Variants in ATF7IP observed in about 807,000 individuals in gnomAD.
The protein encoded by ATF7IP is activating transcription factor 7 interacting protein, also known as activating transcription factor 7-interacting protein 1.
Under a neutral mutation model 106.4 loss-of-function variants are expected in ATF7IP, and 23 were observed. The ratio of observed to expected loss-of-function variants is 0.22; its 90% CI spans 0.16 to 0.31. The LOEUF (loss-of-function observed/expected upper bound fraction) is 0.31. Among genes scored for constraint, ATF7IP ranks in the 10% least tolerant of loss-of-function variants. ATF7IP has a pLI of 1.00. For synonymous variants in ATF7IP, 542 were observed against 539.0 expected (o/e 1.01, Z -0.08); for missense variants, 1,334 against 1,524.3 (o/e 0.88, Z 2.08).
In ATF7IP at chr12:14,498,186, GATGTGTGTA is replaced by G. The variant is rs1945068802; in HGVS notation, c.*114_*122del. 9.8e-7 allele frequency: 1 copy of G among 1,017,908 alleles called. No individual in the cohort carries two copies. Among genetic ancestry groups the G allele is most frequent in the Non-Finnish European group, 1.4e-6 (1 of 693,996 alleles). The allele number at this position is 1,017,908 out of a possible 1,614,324, so 63.1% of individuals were successfully genotyped here. A position where few individuals can be genotyped will look rare whatever the true frequency, so the allele number is the denominator to read the frequency against. ...CACCTTGTGCAAGATTTCTTGGACA[GATGTGTGTA>G]TACACTACATTTGTTTATAACCAGA... On this transcript the variant is annotated 3_prime_UTR_variant, in exon 15 of 15. Transcript: ENST00000261168.
chr12:14,489,888 A>G (rs1376462784), intron 13 of ATF7IP, among the ~76,000 whole-genome samples: 1 of 152,240 alleles, frequency 6.6e-6, no homozygotes. Flanking sequence ...CATTGTGTGC[A>G]GCATAGGCAA....
chr12:14,425,019 A>C lies in ATF7IP; in HGVS notation c.1104A>C (p.Glu368Asp), dbSNP rs896408916. Reference protein sequence around the residue: ...TICSDRPPENEKKVEEDIITE... With the variant: ...TICSDRPPENDKKVEEDIITE... The stretch of plus-strand genomic sequence containing the variant: ...GTTCAGATCGACCTCCTGAAAATGA[A>C]AAGAAGGTAGAGGAAGATATTATCA... Residue 368 changes from glutamate to aspartate, a missense_variant, in exon 2 of 15, where the codon GAA becomes GAC. Around this residue, in one of 10 missense-constraint regions of ATF7IP, gnomAD observed 438 missense variants for 405.3 expected, o/e 1.08. Transcript: ENST00000261168. 12 of 1,611,646 alleles carry C rather than the reference A, an allele frequency of 7.4e-6. No individual in the cohort carries two copies. Among genetic ancestry groups the C allele is most frequent in the Admixed American group, 1.7e-5 (1 of 59,588 alleles).
intron 6 of ATF7IP, among the ~76,000 whole-genome samples, chr12:14,448,579 T>C (rs1248869924): frequency 2.6e-5 from 4 of 152,208 alleles, no homozygotes; most frequent in Non-Finnish European, 5.9e-5. Flanking sequence ...GGTCCATTAT[T>C]ATCTTTGGGC....
At chr12:14,469,123 C>T (rs1026277112) in intron 10 of ATF7IP, among the ~76,000 whole-genome samples, 1 of 152,094 alleles carries the variant, frequency 6.6e-6, no homozygotes, top group African/African-American at 2.4e-5. Context: ...ATAATCCCAG[C>T]ACTTTGGGAG....
At chr12:14,484,561 C>T (rs1386376539) in intron 13 of ATF7IP, among the ~76,000 whole-genome samples, 1 of 152,154 alleles carries the variant, frequency 6.6e-6, no homozygotes, top group Non-Finnish European at 1.5e-5. Flanking sequence ...CAGGGATGTC[C>T]TAGAAAGGGG....
intron 5 of ATF7IP, among the ~76,000 whole-genome samples, chr12:14,443,609 T>C (rs186852179): frequency 4.6e-5 from 7 of 152,336 alleles, no homozygotes; most frequent in African/African-American, 1.4e-4. Context: ...AGAAACCTGT[T>C]GTAAATATCA....
At chr12:14,473,132 G>T (rs1348929299) in intron 10 of ATF7IP, among the ~76,000 whole-genome samples, 1 of 151,940 alleles carries the variant, frequency 6.6e-6, no homozygotes, top group Admixed American at 6.6e-5. Context: ...TTGTGTTTAG[G>T]TCTGCTATTT....
intron 3 of ATF7IP, among the ~76,000 whole-genome samples, chr12:14,435,133 GGGAA>G (rs34308294): frequency 2.9e-3 from 440 of 151,038 alleles, no homozygotes; most frequent in Non-Finnish European, 4.7e-3. Context: ...GGAAGGAAGA[GGGAA>G]GGAAGGAAGG....
intron 1 of ATF7IP, among the ~76,000 whole-genome samples, chr12:14,421,651 A>G (rs541712753): frequency 6.6e-6 from 1 of 152,274 alleles, no homozygotes; most frequent in South Asian, 2.1e-4. Flanking sequence ...TAAAGGCCCT[A>G]TCCGAATAAG....
intron 1 of ATF7IP, among the ~76,000 whole-genome samples, chr12:14,422,393 C>T (rs911170365): frequency 2.1e-4 from 32 of 151,214 alleles, no homozygotes; most frequent in African/African-American, 6.8e-4. Flanking sequence ...TTTGTAGTGG[C>T]ATTACTGAGA....
At position 14,406,672 on chromosome 12, in the gene ATF7IP, T is replaced by G. The variant is rs1157434609; in HGVS notation, c.-7-17237T>G. On this transcript the variant is annotated intron_variant, in intron 1 of 14. Transcript: ENST00000261168. ...AAATAACAGTATTTATGGGTTTTTT[T>G]TTTTTTTTTTGAGATGGAGTCTCGC... Among the ~76,000 whole-genome samples, 6 of 150,340 alleles carry G rather than the reference T, an allele frequency of 4.0e-5. No individual in the cohort carries two copies. The East Asian group carries it at 7.8e-4, about 19-fold the overall frequency.
chr12:14,487,746 TAGC>T (rs1944671337), intron 13 of ATF7IP, among the ~76,000 whole-genome samples: 2 of 152,314 alleles, frequency 1.3e-5, no homozygotes, highest in African/African-American at 4.8e-5. Flanking sequence ...AAGGCAGTCT[TAGC>T]AGATTTCAGG....
Position 14,379,658 on chromosome 12 carries a change from A to G in ATF7IP, c.-8+13831A>G, listed in dbSNP as rs746912048. Among the ~76,000 whole-genome samples the G allele has an allele frequency of 5.9e-5, 9 of 152,300 alleles. No homozygotes were observed. The East Asian group carries it at 7.7e-4, about 13-fold the overall frequency. On this transcript the variant is annotated intron_variant, in intron 1 of 14. Transcript: ENST00000261168. Reference sequence around the variant, plus strand: ...ATGCATGTTTGAAAAAGGTCATTCTATGTTTTCATGCTTGATTGATAGTTT... The same window carrying G: ...ATGCATGTTTGAAAAAGGTCATTCTGTGTTTTCATGCTTGATTGATAGTTT...
chr12:14,425,051 T>C lies in ATF7IP; in HGVS notation c.1136T>C (p.Leu379Pro), dbSNP rs1376903808. 1.2e-6 allele frequency: 2 copies of C among 1,606,756 alleles called. No homozygotes were observed. The highest frequency in any genetic ancestry group is 3.4e-5 in the Admixed American group (2 of 58,262). The part of the protein sequence containing the change: ...KKVEEDIITE[L>P]ALGEDAISSS... ...GTAGAGGAAGATATTATCACAGAGC[T>C]TGCTCTTGGAGAAGATGCTATATCT... Residue 379 changes from leucine to proline, a missense_variant, in exon 2 of 15, where the codon CTT (leucine) becomes CCT (proline). Leu to Pro is a moderately conservative substitution (Grantham distance 98). Transcript: ENST00000261168.
rs765212949 is a variant in ATF7IP, at chr12:14,460,575, C to G, written c.2239C>G (p.Leu747Val). The G allele has an allele frequency of 1.2e-6, 2 of 1,614,196 alleles. No homozygotes were observed. The highest frequency in any genetic ancestry group is 8.5e-7 in the Non-Finnish European group (1 of 1,180,018). ...KLQTPVTSGS[L>V]TATSVLPAPN... ...GCAGACTCCAGTGACTTCGGGTTCC[C>G]TCACAGCAACGTCAGTTCTTCCTGC... The change falls in exon 9 of 15, where the codon CTC becomes GTC. Residue 747 changes from leucine to valine, a missense_variant. This residue lies in a region of ATF7IP where 171 missense variants were observed against 172.6 expected (regional missense o/e 0.99). Coordinates refer to ENST00000261168, the MANE Select transcript of ATF7IP (RefSeq NM_018179.5).
chr12:14,441,185 G>T (rs1306366230), intron 5 of ATF7IP, among the ~76,000 whole-genome samples: 1 of 152,142 alleles, frequency 6.6e-6, no homozygotes, highest in Non-Finnish European at 1.5e-5. Context: ...ACCATTTTCT[G>T]TTCCCACCAG....
intron 1 of ATF7IP, among the ~76,000 whole-genome samples, chr12:14,416,257 C>T (rs1240704841): frequency 7.1e-6 from 1 of 139,878 alleles, no homozygotes; most frequent in Non-Finnish European, 1.6e-5. Context: ...TAGAAATTAT[C>T]AGCATAAAGT....
chr12:14,378,144 C>CTGGA (rs1260823604), intron 1 of ATF7IP, among the ~76,000 whole-genome samples: 1 of 145,144 alleles, frequency 6.9e-6, no homozygotes, highest in Non-Finnish European at 1.5e-5. Context: ...GTCGCCCAGG[C>CTGGA]TGGAGTGCGG....
At chr12:14,405,403 CTTTTTTTTTTTTT>C (rs145211652) in intron 1 of ATF7IP, among the ~76,000 whole-genome samples, 42 of 83,568 alleles carry the variant, frequency 5.0e-4, no homozygotes, top group South Asian at 4.1e-3. Flanking sequence ...TTTCTTTCAT[CTTTTTTTTTTTTT>C]TTTTTTTTTT....
Sources: allele counts gnomAD v4.1 joint callset (sites outside exome capture counted in the v4.1 genomes callset), GRCh38; gene constraint gnomAD v4.1.1; regional missense constraint gnomAD v4.1.1; transcripts MANE v1.5; gene names NCBI Gene and HGNC (gene_info 2026-07-23, HGNC 2026-07-21).